Variants in TANK observed in about 807,000 individuals in gnomAD.
TANK encodes the protein TRAF family member-associated NF-kappa-B activator.
TANK carries 15 observed loss-of-function variants against 43.6 expected under a neutral mutation model. The observed-to-expected ratio is 0.34, with a 90% CI of 0.23 to 0.53. The LOEUF (loss-of-function observed/expected upper bound fraction) is 0.53, where lower values mean the gene tolerates loss of function less well. TANK is among the 20% of genes least tolerant of loss of function. The probability of loss-of-function intolerance (pLI) is 0.94; values close to 1 mark genes in which losing one functional copy is unlikely to be tolerated. For synonymous variants in TANK, 162 were observed against 178.2 expected (o/e 0.91, Z 0.73); for missense variants, 417 against 498.6 (o/e 0.84, Z 1.56).
In TANK at chr2:161,160,457, A is replaced by G. The variant is rs1684362775; in HGVS notation, c.-79A>G. The G allele has an allele frequency of 5.7e-6, 7 of 1,238,164 alleles. No individual in the cohort carries two copies. In the East Asian group the frequency reaches 1.6e-4, roughly 28 times the overall value. 76.7% of individuals were successfully genotyped at this position (1,238,164 alleles called of 1,614,324 possible). ...GGCCAGGCGCCGGCGACCTGAGGGGAGAGGGAACGCAGCTGAAAGCGTGAA... is the reference window on the plus strand; with the variant it reads ...GGCCAGGCGCCGGCGACCTGAGGGGGGAGGGAACGCAGCTGAAAGCGTGAA... On this transcript the variant is annotated 5_prime_UTR_variant, in exon 1 of 8. Coordinates refer to ENST00000392749, the MANE Select transcript of TANK (RefSeq NM_001199135.3).
intron 4 of TANK, among the ~76,000 whole-genome samples, chr2:161,208,676 G>GT (rs144406347): frequency 0.041 from 6,190 of 152,230 alleles, 263 homozygotes; most frequent in East Asian, 0.18. Flanking sequence ...GGCTTAACTG[G>GT]TTGGAGGATC....
intron 1 of TANK, among the ~76,000 whole-genome samples, chr2:161,171,253 T>C (rs1303332180): frequency 2.6e-5 from 4 of 152,326 alleles, no homozygotes; most frequent in Non-Finnish European, 4.4e-5. Flanking sequence ...TATTCAACAG[T>C]CTGAAGGAGA....
At chr2:161,227,441 C>T (rs1388599329) in intron 6 of TANK, among the ~76,000 whole-genome samples, 1 of 152,082 alleles carries the variant, frequency 6.6e-6, no homozygotes, top group Non-Finnish European at 1.5e-5. Flanking sequence ...GTTAGGTTGC[C>T]TGGGTTCCAG....
chr2:161,220,781 G>C (rs1321738981), intron 4 of TANK, among the ~76,000 whole-genome samples: 2 of 152,082 alleles, frequency 1.3e-5, no homozygotes, highest in Admixed American at 1.3e-4. Flanking sequence ...ACAAAAGCAG[G>C]TGTTAAGGAA....
intron 2 of TANK, among the ~76,000 whole-genome samples, chr2:161,198,912 C>T (rs1686279827): frequency 6.6e-6 from 1 of 152,090 alleles, no homozygotes. Context: ...GGCTTATAAC[C>T]TAGTAGGCAG....
chr2:161,191,687 A>G (rs1050748471), intron 2 of TANK, among the ~76,000 whole-genome samples: 2 of 152,220 alleles, frequency 1.3e-5, no homozygotes, highest in African/African-American at 4.8e-5. Flanking sequence ...TCTTGTCTAT[A>G]ACTTCTCTGC....
intron 2 of TANK, among the ~76,000 whole-genome samples, chr2:161,185,435 A>G (rs1396217954): frequency 6.6e-6 from 1 of 151,894 alleles, no homozygotes; most frequent in Non-Finnish European, 1.5e-5. Context: ...TAAAAGCTTG[A>G]CTGTGCAGAA....
intron 1 of TANK, among the ~76,000 whole-genome samples, chr2:161,163,916 A>G (rs906553099): frequency 6.6e-6 from 1 of 152,230 alleles, no homozygotes; most frequent in African/African-American, 2.4e-5. Flanking sequence ...ATAGACTTTT[A>G]TAAATGATTA....
In TANK at chr2:161,185,358, G is replaced by A. The variant is rs550763303; in HGVS notation, c.99+5597G>A. 2.0e-5 allele frequency among the ~76,000 whole-genome samples: 3 copies of A among 152,144 alleles called. No individual in the cohort carries two copies. The East Asian group carries it at 5.8e-4, about 29-fold the overall frequency. On this transcript the variant is annotated intron_variant, in intron 2 of 7. Transcript: ENST00000392749. ...TGAAGGCAGTTAAGTTGAGTGGGAA[G>A]GGCAGATTGTAGTAGGCTGAGGAGA...
intron 1 of TANK, chr2:161,162,464 C>A (rs1684487316): frequency 6.6e-6 from 1 of 151,836 alleles, no homozygotes; most frequent in Non-Finnish European, 1.5e-5. Context: ...TAAATTGTTT[C>A]ACTTGAATTT....
intron 5 of TANK, 45 bp downstream of exon 5, chr2:161,224,036 C>A: frequency 8.2e-7 from 1 of 1,225,486 alleles, no homozygotes; most frequent in Non-Finnish European, 1.2e-6. Flanking sequence ...ATTATCAATA[C>A]TGAAATATAT....
chr2:161,168,661 C>T (rs1684804576), intron 1 of TANK, among the ~76,000 whole-genome samples: 1 of 152,082 alleles, frequency 6.6e-6, no homozygotes, highest in South Asian at 2.1e-4. Flanking sequence ...GGTGAAACCC[C>T]GTCTCTACTA....
In TANK at chr2:161,231,130, A is replaced by G. The variant is rs773095808; in HGVS notation, c.680A>G (p.Glu227Gly). 1.2e-6 allele frequency: 2 copies of G among 1,614,096 alleles called. No homozygotes were observed. The highest frequency in any genetic ancestry group is 1.7e-6 in the Non-Finnish European group (2 of 1,180,014). Residue 227 changes from glutamate (E) to glycine (G), a missense_variant, in exon 7 of 8, where the codon GAA becomes GGA. Coordinates refer to ENST00000392749, the MANE Select transcript of TANK (RefSeq NM_001199135.3). ...LCRDEEDTSF[E>G]SLSKFNVKFP... Reference sequence around the variant, plus strand: ...AGAGATGAGGAAGACACCTCTTTTGAATCACTTTCTAAATTCAATGTCAAG... The same window carrying G: ...AGAGATGAGGAAGACACCTCTTTTGGATCACTTTCTAAATTCAATGTCAAG...
rs530224661 is a variant in TANK at position 161,183,486 on chromosome 2, T to G, written c.99+3725T>G. 8.5e-5 allele frequency among the ~76,000 whole-genome samples: 13 copies of G among 152,312 alleles called. No homozygotes were observed. The East Asian group carries it at 2.3e-3, about 27-fold the overall frequency. On this transcript the variant is annotated intron_variant, in intron 2 of 7. Coordinates refer to ENST00000392749, the MANE Select transcript of TANK (RefSeq NM_001199135.3). ...TCTTCTAGAGGAGTATTAAGATATC[T>G]TTTGGATAAGACAGAAACAGGAATT...
intron 1 of TANK, among the ~76,000 whole-genome samples, chr2:161,168,632 A>G (rs1284842002): frequency 2.0e-5 from 3 of 152,238 alleles, no homozygotes; most frequent in African/African-American, 7.2e-5. Flanking sequence ...TGGGAGTTCA[A>G]GACCATCCTG....
At chr2:161,151,606 G>C (rs924765775) in intron 1 of TANK, among the ~76,000 whole-genome samples, 1 of 152,036 alleles carries the variant, frequency 6.6e-6, no homozygotes, top group African/African-American at 2.4e-5. Context: ...TTTGGTTACT[G>C]TTTGCATGAA....
chr2:161,212,738 G>C (rs1299974928), intron 4 of TANK: 11 of 984,660 alleles, frequency 1.1e-5, no homozygotes, highest in Non-Finnish European at 1.3e-5. Context: ...GAGTCGATAA[G>C]AGTCTATCCA....
chr2:161,192,898 G>T (rs184063715), intron 2 of TANK, among the ~76,000 whole-genome samples: 4 of 152,246 alleles, frequency 2.6e-5, no homozygotes, highest in Non-Finnish European at 5.9e-5. Context: ...GACCATATTC[G>T]TTATACTAAC....
chr2:161,152,386 T>G (rs186978539), intron 1 of TANK, among the ~76,000 whole-genome samples: 132 of 152,284 alleles, frequency 8.7e-4, no homozygotes, highest in Non-Finnish European at 1.7e-3. Context: ...AATTTCTTCT[T>G]TATTTTTGAA....
Sources: allele counts gnomAD v4.1 joint callset (sites outside exome capture counted in the v4.1 genomes callset), GRCh38; gene constraint gnomAD v4.1.1; transcripts MANE v1.5; gene names NCBI Gene and HGNC (gene_info 2026-07-23, HGNC 2026-07-21).